Variants in G6PC3 observed in about 807,000 individuals in gnomAD.
G6PC3 encodes the protein glucose-6-phosphatase catalytic subunit 3.
Under a neutral mutation model 38.6 loss-of-function variants are expected in G6PC3, and 30 were observed. The observed-to-expected ratio is 0.78, with a 90% CI of 0.58 to 1.05. The LOEUF (loss-of-function observed/expected upper bound fraction) is 1.05. Among genes scored for constraint, G6PC3 ranks in the 50% least tolerant of loss-of-function variants. The pLI is 0.00. For synonymous variants in G6PC3, 192 were observed against 178.1 expected (o/e 1.08, Z -0.62); for missense variants, 377 against 443.1 (o/e 0.85, Z 1.34).
In G6PC3 at chr17:44,075,106, G is replaced by A. The variant is rs375440673; in HGVS notation, c.535+19G>A. The A allele has an allele frequency of 3.1e-6, 5 of 1,587,604 alleles. No individual in the cohort carries two copies. Among genetic ancestry groups the A allele is most frequent in the East Asian group, 2.2e-5 (1 of 44,754 alleles). ...ATAACTGGTGAGCAACTGGGGCAAC[G>A]GGGTGGACTGAGAGGATGCCTTTGG... On this transcript the variant is annotated intron_variant, in intron 4 of 5. Coordinates refer to ENST00000269097, the MANE Select transcript of G6PC3 (RefSeq NM_138387.4).
intron 1 of G6PC3, 116 bp downstream of exon 1, chr17:44,071,299 A>T: frequency 6.6e-7 from 1 of 1,506,414 alleles, no homozygotes; most frequent in Non-Finnish European, 8.9e-7. Flanking sequence ...CCTACTCTGT[A>T]GTCCCTGATT....
At chr17:44,075,215 T>C in intron 4 of G6PC3, 95 bp from the exon 5 acceptor site, 1 of 1,557,580 alleles carries the variant, frequency 6.4e-7, no homozygotes, top group East Asian at 2.2e-5. Context: ...ATGTCTCAGT[T>C]TATTCTCTTG....
intron 1 of G6PC3, chr17:44,072,131 C>G (rs940771277): frequency 4.8e-6 from 1 of 207,064 alleles, no homozygotes; most frequent in Non-Finnish European, 1.0e-5. Flanking sequence ...CCACGAGGGC[C>G]TCATCCTTAT....
Position 44,074,232 on chromosome 17 carries a change from T to C in G6PC3, c.291T>C (p.Val97=), listed in dbSNP as rs752324741. The C allele has an allele frequency of 6.2e-7, 1 of 1,613,934 alleles. No homozygotes were observed. Among genetic ancestry groups the C allele is most frequent in the South Asian group, 1.1e-5 (1 of 91,064 alleles). The change falls in exon 2 of 6, where the codon GTT becomes GTC. Residue 97 remains valine, a synonymous_variant. Transcript: ENST00000269097. ...ACTACAGCCAGGCTCCAGCCCAGGT[T>C]CACCAGTTCCCCTCTTCTTGTGAGA... ...SGYYSQAPAQ[V]HQFPSSCETG...
rs755839808 is a variant in G6PC3, at chr17:44,076,326, A to T, written c.*283A>T. The T allele has an allele frequency of 1.6e-6, 1 of 633,182 alleles. No homozygotes were observed. Among genetic ancestry groups the T allele is most frequent in the South Asian group, 1.5e-5 (1 of 66,206 alleles). 39.2% of individuals were successfully genotyped at this position (633,182 alleles called of 1,614,324 possible). On this transcript the variant is annotated 3_prime_UTR_variant, in exon 6 of 6. Transcript: ENST00000269097. ...AGGGGCAGCCAGGGCGGCCCCAATAAAGCCCTTGAATACTTTGAGATTCCT... is the reference window on the plus strand; with the variant it reads ...AGGGGCAGCCAGGGCGGCCCCAATATAGCCCTTGAATACTTTGAGATTCCT...
rs1163351761 is a variant in G6PC3, at chr17:44,070,944, C to T, written c.-22C>T. ...GTTTCCGCCCTGGAGCAAGCCGGGG[C>T]CTGGTCGGCAGCTGGGCCGCCATGG... is the stretch of plus-strand genomic sequence containing the variant. On this transcript the variant is annotated 5_prime_UTR_variant, in exon 1 of 6. Coordinates refer to ENST00000269097, the MANE Select transcript of G6PC3 (RefSeq NM_138387.4). 1.3e-6 allele frequency: 2 copies of T among 1,548,050 alleles called. No individual in the cohort carries two copies. Among genetic ancestry groups the T allele is most frequent in the African/African-American group, 1.4e-5 (1 of 73,144 alleles).
intron 2 of G6PC3, 42 bp from the exon 3 acceptor site, chr17:44,074,638 T>C: frequency 6.3e-7 from 1 of 1,586,236 alleles, no homozygotes; most frequent in Non-Finnish European, 8.7e-7. Flanking sequence ...CCCGGGGTTC[T>C]GCCTCCATCT....
At chr17:44,075,115 TGA>T in intron 4 of G6PC3, 28 bp downstream of exon 4, 1 of 1,573,538 alleles carries the variant, frequency 6.4e-7, no homozygotes, top group Non-Finnish European at 8.7e-7. Context: ...CGGGGTGGAC[TGA>T]GAGGATGCCT....
intron 2 of G6PC3, among the ~76,000 whole-genome samples, 161 bp downstream of exon 2, chr17:44,074,427 G>A (rs1489741999): frequency 6.6e-6 from 1 of 152,146 alleles, no homozygotes; most frequent in Non-Finnish European, 1.5e-5. Flanking sequence ...AGTTATGGGA[G>A]GAGGGCACTC....
chr17:44,075,787 G>A lies in G6PC3; in HGVS notation c.785G>A (p.Gly262Asp), dbSNP rs2050090455. ...SRDSGAALGL[G>D]IALHSPCYAQ... ...GACTCAGGGGCTGCCCTGGGCCTGG[G>A]CATTGCCTTGCACTCTCCCTGCTAT... The change falls in exon 6 of 6, where the codon GGC (glycine) becomes GAC (aspartate). Residue 262 changes from glycine (G) to aspartate (D), a missense_variant. Gly to Asp is a moderately conservative substitution (Grantham distance 94). Transcript: ENST00000269097. 1.2e-6 allele frequency: 2 copies of A among 1,611,858 alleles called. No individual in the cohort carries two copies. The highest frequency in any genetic ancestry group is 1.7e-6 in the Non-Finnish European group (2 of 1,180,018).
rs1453462201 is a variant in G6PC3 at position 44,071,147 on chromosome 17, G to C, written c.182G>C (p.Ser61Thr). The C allele has an allele frequency of 4.3e-6, 7 of 1,613,804 alleles. No homozygotes were observed. Among genetic ancestry groups the C allele is most frequent in the Non-Finnish European group, 5.9e-6 (7 of 1,180,006 alleles). ...RRVGIAVLWISLITEWLNLIF... is the reference protein window; with the variant it reads ...RRVGIAVLWITLITEWLNLIF... ...GTGGGCATCGCGGTGCTCTGGATCA[G>C]CCTCATCACCGAGTGGCTCAACCTC... The change falls in exon 1 of 6, where the codon AGC becomes ACC. Residue 61 changes from serine to threonine, a missense_variant. By Grantham distance (58) the Ser-to-Thr change is moderately conservative. Transcript: ENST00000269097.
chr17:44,070,742 A>T lies in G6PC3; in HGVS notation c.-224A>T. On this transcript the variant is annotated 5_prime_UTR_variant, in exon 1 of 6. Transcript: ENST00000269097. ...TTGTCCCCTGCGCTGCCCAGTAGGG[A>T]GGAAAACCGGAGGAGAGCGCAGGAG... 1 of 622,126 alleles carries T rather than the reference A, an allele frequency of 1.6e-6. No individual in the cohort carries two copies. Among genetic ancestry groups the T allele is most frequent in the Non-Finnish European group, 2.9e-6 (1 of 345,616 alleles). The allele number at this position is 622,126 out of a possible 1,614,324, so 38.5% of individuals were successfully genotyped here. A position where few individuals can be genotyped will look rare whatever the true frequency, so the allele number is the denominator to read the frequency against.
chr17:44,071,627 G>A (rs964134873), intron 1 of G6PC3: 1 of 1,272,302 alleles, frequency 7.9e-7, no homozygotes, highest in African/African-American at 1.5e-5. Context: ...TAATTTTTCA[G>A]AAGCATGCTT....
rs1486936344 is a variant in G6PC3, at chr17:44,074,674, T to C, written c.326-6T>C. On this transcript the variant is annotated splice_region_variant and splice_polypyrimidine_tract_variant and intron_variant, in intron 2 of 5. Coordinates refer to ENST00000269097, the MANE Select transcript of G6PC3 (RefSeq NM_138387.4). The stretch of plus-strand genomic sequence containing the variant: ...TCTCACCACGAGCTTCTGGATTTGC[T>C]GGCAGGCAGCCCTTCTGGACACTGC... 1 of 1,614,160 alleles carries C rather than the reference T, an allele frequency of 6.2e-7. No homozygotes were observed. The highest frequency in any genetic ancestry group is 1.7e-5 in the Admixed American group (1 of 60,028).
chr17:44,071,075 T>G lies in G6PC3; in HGVS notation c.110T>G (p.Ile37Ser), dbSNP rs1157699874. The G allele has an allele frequency of 1.1e-5, 17 of 1,612,996 alleles. No homozygotes were observed. Among genetic ancestry groups the G allele is most frequent in the Non-Finnish European group, 1.4e-5 (16 of 1,179,552 alleles). ...ATCACCTTTCTGGGCGATCCCAAGATCCTCTTTCTGTTCTACTTCCCCGCG... is the reference window on the plus strand; with the variant it reads ...ATCACCTTTCTGGGCGATCCCAAGAGCCTCTTTCTGTTCTACTTCCCCGCG... The part of the protein sequence containing the change: ...LWITFLGDPK[I>S]LFLFYFPAAY... Residue 37 changes from isoleucine (I) to serine (S), a missense_variant, in exon 1 of 6, where the codon ATC (isoleucine) becomes AGC (serine). Transcript: ENST00000269097.
rs1382522670 is a variant in G6PC3, at chr17:44,070,942, G to A, written c.-24G>A. ...TGGTTTCCGCCCTGGAGCAAGCCGG[G>A]GCCTGGTCGGCAGCTGGGCCGCCAT... On this transcript the variant is annotated 5_prime_UTR_variant, in exon 1 of 6. Coordinates refer to ENST00000269097, the MANE Select transcript of G6PC3 (RefSeq NM_138387.4). 4 of 1,547,744 alleles carry A rather than the reference G, an allele frequency of 2.6e-6. No individual in the cohort carries two copies. The highest frequency in any genetic ancestry group is 2.7e-5 in the African/African-American group (2 of 73,140).
intron 1 of G6PC3, 159 bp from the exon 2 acceptor site, chr17:44,074,001 C>A: frequency 1.4e-6 from 1 of 737,790 alleles, no homozygotes; most frequent in Admixed American, 1.9e-5. Flanking sequence ...AAAACCATGG[C>A]AAGGTATCCA....
intron 1 of G6PC3, 74 bp downstream of exon 1, chr17:44,071,257 CTT>C: frequency 1.3e-5 from 21 of 1,558,570 alleles, no homozygotes; most frequent in Non-Finnish European, 1.7e-5. Flanking sequence ...GCCCTGGTCT[CTT>C]TCAGCAACTG....
rs1399600787 is a variant in G6PC3, at chr17:44,076,321, C to G, written c.*278C>G. On this transcript the variant is annotated 3_prime_UTR_variant, in exon 6 of 6. Transcript: ENST00000269097. ...CTGTGAGGGGCAGCCAGGGCGGCCC[C>G]AATAAAGCCCTTGAATACTTTGAGA... The G allele has an allele frequency of 1.5e-6, 1 of 656,214 alleles. No individual in the cohort carries two copies. The allele number at this position is 656,214 out of a possible 1,614,324, so 40.6% of individuals were successfully genotyped here. A position where few individuals can be genotyped will look rare whatever the true frequency, so the allele number is the denominator to read the frequency against.
Sources: allele counts gnomAD v4.1 joint callset (sites outside exome capture counted in the v4.1 genomes callset), GRCh38; gene constraint gnomAD v4.1.1; transcripts MANE v1.5; gene names NCBI Gene and HGNC (gene_info 2026-07-23, HGNC 2026-07-21).